The following ANK2 variants were observed in gnomAD, a reference collection of about 807,000 sequenced individuals.
The protein encoded by ANK2 is ankyrin 2.
A neutral mutation model predicts 360.5 loss-of-function variants in ANK2; 83 were observed. The ratio of observed to expected loss-of-function variants is 0.23; its 90% confidence interval spans 0.19 to 0.28. The LOEUF (loss-of-function observed/expected upper bound fraction) is 0.28. Among genes scored for constraint, ANK2 ranks in the 10% least tolerant of loss-of-function variants. The probability of loss-of-function intolerance (pLI) is 1.00; values close to 1 mark genes in which losing one functional copy is unlikely to be tolerated. For synonymous variants in ANK2, 1,740 were observed against 1,759.5 expected (o/e 0.99, Z 0.28); for missense variants, 4,201 against 4,795.7 (o/e 0.88, Z 3.66).
intron 1 of ANK2, among the ~76,000 whole-genome samples, chr4:113,117,710 A>C (rs993040683): frequency 6.6e-6 from 1 of 152,020 alleles, no homozygotes; most frequent in African/African-American, 2.4e-5. Flanking sequence ...TTATCTCTTC[A>C]GGCTACTCTT....
intron 2 of ANK2, among the ~76,000 whole-genome samples, chr4:112,960,734 T>C (rs1485561511): frequency 6.6e-6 from 1 of 152,184 alleles, no homozygotes; most frequent in Non-Finnish European, 1.5e-5. Context: ...ACCATCATTT[T>C]CCTCAACTAC....
At chr4:113,116,803 C>T (rs2094838366) in intron 1 of ANK2, among the ~76,000 whole-genome samples, 1 of 152,178 alleles carries the variant, frequency 6.6e-6, no homozygotes, top group Admixed American at 6.5e-5. Context: ...ACTACCCACC[C>T]CCTAGCAGTT....
chr4:112,970,143 C>T (rs1008162960), intron 2 of ANK2, among the ~76,000 whole-genome samples: 3 of 151,722 alleles, frequency 2.0e-5, no homozygotes, highest in Non-Finnish European at 4.4e-5. Context: ...GCCACCACAC[C>T]AGTTTAATTT....
chr4:113,361,964 C>G (rs935882320), intron 39 of ANK2, among the ~76,000 whole-genome samples: 3 of 152,146 alleles, frequency 2.0e-5, no homozygotes, highest in African/African-American at 7.2e-5. Context: ...ACACCTACTT[C>G]TATCTTCTAG....
intron 1 of ANK2, among the ~76,000 whole-genome samples, chr4:112,823,766 A>G (rs2057748056): frequency 6.6e-6 from 1 of 152,232 alleles, no homozygotes; most frequent in Non-Finnish European, 1.5e-5. Context: ...AAAGTTTTTC[A>G]GGGTTATTAT....
intron 14 of ANK2, among the ~76,000 whole-genome samples, chr4:113,272,622 CT>C (rs1015718170): frequency 1.2e-4 from 18 of 149,528 alleles, no homozygotes; most frequent in South Asian, 4.2e-4. Flanking sequence ...TATTTTTTAA[CT>C]TTTTTTTTTA....
intron 2 of ANK2, among the ~76,000 whole-genome samples, chr4:113,175,910 G>A (rs546999931): frequency 1.3e-5 from 2 of 152,304 alleles, no homozygotes; most frequent in South Asian, 4.1e-4. Context: ...TGTTGGGAAA[G>A]GCATTCTGCT....
At chr4:113,187,734 T>C (rs963145711) in intron 2 of ANK2, among the ~76,000 whole-genome samples, 10 of 152,214 alleles carry the variant, frequency 6.6e-5, no homozygotes, top group Admixed American at 6.5e-4. Flanking sequence ...TAAGCTTCAG[T>C]GTCATATAAC....
chr4:112,848,164 C>T lies in ANK2; in HGVS notation c.-40+29900C>T, dbSNP rs936098294. On this transcript the variant is annotated intron_variant, in intron 1 of 30. Coordinates refer to the ANK2 transcript ENST00000503271. ...TATTTGAGACAGAGTCTCACTCTGT[C>T]ACCGAGGCTGGAGTGCAGTGGCACA... Among the ~76,000 whole-genome samples, 9 of 152,212 alleles carry T rather than the reference C, an allele frequency of 5.9e-5. No individual in the cohort carries two copies. The East Asian group carries it at 1.2e-3, about 20-fold the overall frequency.
At chr4:113,089,666 A>G (rs1374204319) in intron 1 of ANK2, among the ~76,000 whole-genome samples, 1 of 152,128 alleles carries the variant, frequency 6.6e-6, no homozygotes, top group Non-Finnish European at 1.5e-5. Context: ...TGTCTAAGAA[A>G]AATACAAAAT....
Position 112,975,000 on chromosome 4 carries a change from G to C in ANK2, c.21+70486G>C, listed in dbSNP as rs557814702. 8.9e-4 allele frequency among the ~76,000 whole-genome samples: 136 copies of C among 152,288 alleles called. 2 individuals are homozygous for C. The highest frequency in any genetic ancestry group is 4.9e-4 in the Non-Finnish European group (33 of 68,012). The stretch of plus-strand genomic sequence containing the variant: ...TCAAATGGGTTAACTCTAGTTTCAA[G>C]ATAACAAAGTAAAACATTTGCTAAA... On this transcript the variant is annotated intron_variant, in intron 2 of 30. Coordinates refer to the ANK2 transcript ENST00000503271.
intron 2 of ANK2, among the ~76,000 whole-genome samples, chr4:113,176,210 A>C (rs1268587488): frequency 6.6e-6 from 1 of 152,206 alleles, no homozygotes; most frequent in Non-Finnish European, 1.5e-5. Context: ...GCAGGCTGAC[A>C]CTTGGCTACT....
the ANK2 span, among the ~76,000 whole-genome samples, chr4:112,803,306 G>A: frequency 6.6e-6 from 1 of 152,060 alleles, no homozygotes; most frequent in South Asian, 2.1e-4. Flanking sequence ...TCTTGATATG[G>A]CAAGATTATA....
At chr4:112,892,920 G>A (rs112468569) in intron 1 of ANK2, among the ~76,000 whole-genome samples, 10 of 152,274 alleles carry the variant, frequency 6.6e-5, no homozygotes, top group African/African-American at 1.7e-4. Context: ...TTTAGGATGC[G>A]TAGTGGGTAA....
At chr4:113,107,995 T>C (rs144152417) in intron 1 of ANK2, among the ~76,000 whole-genome samples, 1 of 152,310 alleles carries the variant, frequency 6.6e-6, no homozygotes, top group African/African-American at 2.4e-5. Context: ...AAAAAACTGA[T>C]ATATGCGTAG....
At chr4:113,231,844 C>T (rs1043151308) in intron 4 of ANK2, among the ~76,000 whole-genome samples, 1 of 152,172 alleles carries the variant, frequency 6.6e-6, no homozygotes, top group Admixed American at 6.5e-5. Flanking sequence ...TCATGATCCA[C>T]CCGCCTCAGA....
At chr4:113,256,742 G>T (rs1229621016) in intron 11 of ANK2, among the ~76,000 whole-genome samples, 2 of 152,094 alleles carry the variant, frequency 1.3e-5, no homozygotes, top group Non-Finnish European at 2.9e-5. Context: ...CAGTATTTAA[G>T]CTGAGAGACC....
the ANK2 span, among the ~76,000 whole-genome samples, chr4:112,711,490 T>C: frequency 6.6e-6 from 1 of 152,000 alleles, no homozygotes; most frequent in Non-Finnish European, 1.5e-5. Context: ...GCCACTGCAC[T>C]CCAGCCTGCA....
At chr4:113,007,054 C>T (rs1022602151) in intron 2 of ANK2, among the ~76,000 whole-genome samples, 4 of 152,120 alleles carry the variant, frequency 2.6e-5, no homozygotes, top group Admixed American at 1.3e-4. Context: ...CTTAAATCAT[C>T]GATATGCCAT....
Sources: gnomAD v4.1 joint callset for allele counts (sites outside exome capture counted in the v4.1 genomes callset) on GRCh38, gnomAD v4.1.1 for gene constraint, MANE v1.5 for transcripts, NCBI Gene and HGNC (gene_info 2026-07-23, HGNC 2026-07-21) for gene names.